Variants in DGKI observed in about 807,000 individuals in gnomAD.
DGKI encodes diacylglycerol kinase iota.
A neutral mutation model predicts 147.5 loss-of-function variants in DGKI; 55 were observed. That is an observed-to-expected ratio of 0.37 (90% CI 0.30 to 0.47). The LOEUF (loss-of-function observed/expected upper bound fraction) is 0.47, where lower values mean the gene tolerates loss of function less well. Among genes scored for constraint, DGKI ranks in the 20% least tolerant of loss-of-function variants. The pLI is 1.00. For missense variants in DGKI, 1,007 were observed against 1,323.8 expected, an observed-to-expected ratio of 0.76 and a Z score of 3.71; for synonymous variants, 469 against 477.1, an observed-to-expected ratio of 0.98 and a Z score of 0.22.
intron 21 of DGKI, among the ~76,000 whole-genome samples, chr7:137,516,193 A>G (rs888067526): frequency 2.0e-5 from 3 of 152,164 alleles, no homozygotes; most frequent in African/African-American, 4.8e-5. Flanking sequence ...ATGTACTTAC[A>G]TGGTTTCTAA....
chr7:137,682,953 C>A (rs1031327736), intron 2 of DGKI, among the ~76,000 whole-genome samples: 3 of 152,194 alleles, frequency 2.0e-5, no homozygotes, highest in African/African-American at 7.2e-5. Context: ...ATAGGTGAGA[C>A]ACTCTCTTGT....
chr7:137,441,383 T>C (rs1311154059), intron 28 of DGKI, among the ~76,000 whole-genome samples: 1 of 133,924 alleles, frequency 7.5e-6, no homozygotes, highest in East Asian at 2.3e-4. Flanking sequence ...ATCGTGCCAC[T>C]GCACTCCAGC....
At position 137,578,336 on chromosome 7, in the gene DGKI, G is replaced by A. The variant is rs2128979494; in HGVS notation, c.1643-11C>T. The A allele has an allele frequency of 6.2e-7, 1 of 1,612,426 alleles. No homozygotes were observed. The highest frequency in any genetic ancestry group is 8.5e-7 in the Non-Finnish European group (1 of 1,178,616). ...TCTCTGGATTTGCTTCTGTGAAAGA[G>A]GAAAAGTAGTTTTGTTATGGAGACC... On this transcript the variant is annotated splice_polypyrimidine_tract_variant and intron_variant, in intron 15 of 32. Coordinates refer to ENST00000614521, the MANE Select transcript of DGKI (RefSeq NM_001321708.2).
At chr7:137,776,936 G>A (rs1796379514) in intron 1 of DGKI, among the ~76,000 whole-genome samples, 7 of 152,134 alleles carry the variant, frequency 4.6e-5, no homozygotes, top group Admixed American at 3.9e-4. Flanking sequence ...TATAATCCCA[G>A]CAGTTTGGGA....
chr7:137,433,172 G>C (rs1012871871), intron 28 of DGKI, among the ~76,000 whole-genome samples: 2 of 152,198 alleles, frequency 1.3e-5, no homozygotes, highest in Non-Finnish European at 2.9e-5. Context: ...ATCCAGGACA[G>C]TCCAGACCTA....
chr7:137,465,096 C>T (rs1393754938), intron 26 of DGKI, among the ~76,000 whole-genome samples: 1 of 152,186 alleles, frequency 6.6e-6, no homozygotes, highest in East Asian at 1.9e-4. Flanking sequence ...TAGTTAAATG[C>T]ATGGGCTCTG....
At chr7:137,422,602 T>C (rs1366167642) in intron 28 of DGKI, among the ~76,000 whole-genome samples, 2 of 112,582 alleles carry the variant, frequency 1.8e-5, no homozygotes, top group African/African-American at 3.6e-5. Flanking sequence ...TTTCTTTTTT[T>C]TTTTTTTTTT....
intron 3 of DGKI, among the ~76,000 whole-genome samples, chr7:137,659,345 G>C (rs1822336047): frequency 6.6e-6 from 1 of 152,144 alleles, no homozygotes; most frequent in Non-Finnish European, 1.5e-5. Context: ...TAGCAAATCG[G>C]AAATTTTAAT....
At chr7:137,480,281 C>T (rs1815327473) in intron 23 of DGKI, among the ~76,000 whole-genome samples, 1 of 152,140 alleles carries the variant, frequency 6.6e-6, no homozygotes, top group South Asian at 2.1e-4. Context: ...TGTCCTCTCT[C>T]ACACAAGATA....
At chr7:137,579,629 C>G (rs1819119701) in intron 15 of DGKI, among the ~76,000 whole-genome samples, 1 of 151,934 alleles carries the variant, frequency 6.6e-6, no homozygotes, top group Non-Finnish European at 1.5e-5. Context: ...CACCTCTATC[C>G]CACCTGCATG....
chr7:137,501,768 C>T (rs1239251004), intron 21 of DGKI, among the ~76,000 whole-genome samples: 4 of 152,146 alleles, frequency 2.6e-5, no homozygotes, highest in African/African-American at 7.2e-5. Flanking sequence ...CTCCCAGATG[C>T]TGAATTGAGC....
At chr7:137,663,474 T>C (rs956639188) in intron 3 of DGKI, among the ~76,000 whole-genome samples, 9 of 152,234 alleles carry the variant, frequency 5.9e-5, no homozygotes, top group African/African-American at 2.2e-4. Flanking sequence ...CTGAAGTCTC[T>C]TTACGTAGTA....
intron 20 of DGKI, among the ~76,000 whole-genome samples, chr7:137,527,233 AAAT>A (rs1294397442): frequency 2.6e-5 from 4 of 152,206 alleles, no homozygotes; most frequent in African/African-American, 9.6e-5. Flanking sequence ...AAGTGGTCAA[AAAT>A]AATAATAGTT....
At chr7:137,456,488 G>A (rs1585131862) in intron 27 of DGKI, among the ~76,000 whole-genome samples, 1 of 152,144 alleles carries the variant, frequency 6.6e-6, no homozygotes, top group South Asian at 2.1e-4. Flanking sequence ...CTTGTTGGAT[G>A]CCTACCATTT....
intron 15 of DGKI, among the ~76,000 whole-genome samples, chr7:137,581,063 G>A (rs948336091): frequency 6.6e-6 from 1 of 152,086 alleles, no homozygotes; most frequent in East Asian, 1.9e-4. Flanking sequence ...GACAGAAAGA[G>A]AGAGAGAGAG....
chr7:137,666,502 G>A (rs1822647278), intron 3 of DGKI, among the ~76,000 whole-genome samples: 1 of 152,200 alleles, frequency 6.6e-6, no homozygotes, highest in African/African-American at 2.4e-5. Flanking sequence ...ATCGCGTACT[G>A]CCACCATCTT....
At chr7:137,679,588 T>C (rs991266012) in intron 2 of DGKI, among the ~76,000 whole-genome samples, 1 of 152,124 alleles carries the variant, frequency 6.6e-6, no homozygotes, top group African/African-American at 2.4e-5. Flanking sequence ...TAAGTCTCCA[T>C]GGCTTACAGG....
chr7:137,804,206 C>T (rs1797296908), intron 1 of DGKI, among the ~76,000 whole-genome samples: 1 of 152,226 alleles, frequency 6.6e-6, no homozygotes, highest in African/African-American at 2.4e-5. Context: ...ACTTCCATCT[C>T]TTCCCCCTCT....
intron 6 of DGKI, among the ~76,000 whole-genome samples, chr7:137,630,087 T>C (rs969103720): frequency 6.6e-6 from 1 of 152,184 alleles, no homozygotes; most frequent in Non-Finnish European, 1.5e-5. Context: ...TTTCTGACAG[T>C]GTTGCAAATT....
Sources: gnomAD v4.1 joint callset for allele counts (sites outside exome capture counted in the v4.1 genomes callset) on GRCh38, gnomAD v4.1.1 for gene constraint, MANE v1.5 for transcripts, NCBI Gene and HGNC (gene_info 2026-07-23, HGNC 2026-07-21) for gene names.